SGIP1: variants seen among roughly 807,000 people sequenced by gnomAD.
The protein encoded by SGIP1 is SH3GL interacting endocytic adaptor 1, also known as SH3-containing GRB2-like protein 3-interacting protein 1.
Under a neutral mutation model 107.5 loss-of-function variants are expected in SGIP1, and 38 were observed. That is an observed-to-expected ratio of 0.35 (90% CI 0.27 to 0.46). SGIP1 has a LOEUF of 0.46. Ranked by LOEUF, SGIP1 falls within the 20% of genes least tolerant of loss-of-function variation. The pLI is 1.00. For missense variants in SGIP1, 929 were observed against 1,019.5 expected (o/e 0.91, Z 1.21); for synonymous variants, 365 against 366.1 (o/e 1.00, Z 0.03).
rs767924090 is a variant in SGIP1, at chr1:66,682,123, C to T, written c.1069C>T (p.Pro357Ser). Residue 357 changes from proline (P) to serine (S), a missense_variant, in exon 15 of 25, where the codon CCC becomes TCC. Transcript: ENST00000371037. The stretch of plus-strand genomic sequence containing the variant: ...TCCAGGCCCTCTCGGCCCCCCAGGT[C>T]CCACAGGCCCCCCAGGGCCTCCTGG... Reference protein sequence around the residue: ...PAPGPLGPPGPTGPPGPPGPP... With the variant: ...PAPGPLGPPGSTGPPGPPGPP... The T allele has an allele frequency of 5.6e-6, 9 of 1,613,598 alleles. No homozygotes were observed. In the East Asian group the frequency reaches 1.8e-4, roughly 32 times the overall value.
chr1:66,736,270 T>G (rs986747118), intron 21 of SGIP1, among the ~76,000 whole-genome samples: 1 of 80,626 alleles, frequency 1.2e-5, no homozygotes. Flanking sequence ...ATATAAATAT[T>G]TATACAAATA....
In SGIP1 at chr1:66,719,304, G is replaced by T; in HGVS notation, c.1641G>T (p.Arg547Ser). Residue 547 changes from arginine to serine, a missense_variant, in exon 19 of 25, where the codon AGG becomes AGT. Physicochemically the swap from Arg to Ser is moderately radical, Grantham distance 110 (BLOSUM62 -1). Coordinates refer to ENST00000371037, the MANE Select transcript of SGIP1 (RefSeq NM_032291.4). ...TTTCATTTCATGCAGGTTCTTCCAG[G>T]GGACCCAGCCCCCTAACCATGGGAG... The part of the protein sequence containing the change: ...KFYLTFEGSS[R>S]GPSPLTMGAQ... 1 of 1,609,764 alleles carries T rather than the reference G, an allele frequency of 6.2e-7. No individual in the cohort carries two copies. The highest frequency in any genetic ancestry group is 8.5e-7 in the Non-Finnish European group (1 of 1,178,346).
chr1:66,672,647 T>C (rs1055598028), intron 11 of SGIP1, among the ~76,000 whole-genome samples: 3 of 152,220 alleles, frequency 2.0e-5, no homozygotes, highest in African/African-American at 7.2e-5. Flanking sequence ...AAGATAATTA[T>C]GCATCATTTT....
At chr1:66,563,222 G>C (rs2059199745) in intron 1 of SGIP1, among the ~76,000 whole-genome samples, 1 of 152,008 alleles carries the variant, frequency 6.6e-6, no homozygotes, top group African/African-American at 2.4e-5. Flanking sequence ...TAATAGGGGA[G>C]GGTCAGTGTG....
intron 7 of SGIP1, among the ~76,000 whole-genome samples, chr1:66,657,655 G>T: frequency 6.6e-6 from 1 of 152,188 alleles, no homozygotes; most frequent in Admixed American, 6.5e-5. Flanking sequence ...TGTTGATTAT[G>T]GGATAAGCCA....
chr1:66,568,522 C>G (rs1392772787), intron 1 of SGIP1, among the ~76,000 whole-genome samples: 1 of 151,998 alleles, frequency 6.6e-6, no homozygotes, highest in Non-Finnish European at 1.5e-5. Flanking sequence ...CTTGAACTTC[C>G]AATACTATGT....
At chr1:66,636,105 T>C in intron 4 of SGIP1, 90 bp downstream of exon 4, 1 of 1,252,216 alleles carries the variant, frequency 8.0e-7, no homozygotes, top group Non-Finnish European at 1.1e-6. Context: ...AACACAGTAG[T>C]TTTCATTTAC....
At chr1:66,731,957 C>T (rs573076803) in intron 20 of SGIP1, among the ~76,000 whole-genome samples, 26 of 152,264 alleles carry the variant, frequency 1.7e-4, no homozygotes, top group African/African-American at 4.8e-4. Context: ...CTGAAGAATG[C>T]TCAAGGCTTC....
At chr1:66,566,230 C>T (rs1166867121) in intron 1 of SGIP1, among the ~76,000 whole-genome samples, 8 of 151,910 alleles carry the variant, frequency 5.3e-5, no homozygotes, top group Non-Finnish European at 1.0e-4. Flanking sequence ...AGTTTATTTG[C>T]TATTTGCATT....
At chr1:66,605,430 G>A (rs2066636334) in intron 1 of SGIP1, among the ~76,000 whole-genome samples, 1 of 152,154 alleles carries the variant, frequency 6.6e-6, no homozygotes, top group South Asian at 2.1e-4. Context: ...AGGCAGAAAA[G>A]AGAGATGTGA....
At chr1:66,612,248 A>G (rs1022628153) in intron 1 of SGIP1, among the ~76,000 whole-genome samples, 3 of 152,148 alleles carry the variant, frequency 2.0e-5, no homozygotes, top group African/African-American at 4.8e-5. Flanking sequence ...AAACTCATCC[A>G]CCGCTTTGAG....
intron 1 of SGIP1, among the ~76,000 whole-genome samples, chr1:66,572,156 A>T (rs1268501444): frequency 6.6e-6 from 1 of 151,976 alleles, no homozygotes; most frequent in Non-Finnish European, 1.5e-5. Flanking sequence ...TGTCCTCCTC[A>T]TGACCTAAAG....
intron 1 of SGIP1, among the ~76,000 whole-genome samples, chr1:66,586,000 C>T (rs1016417398): frequency 2.0e-5 from 3 of 152,008 alleles, no homozygotes; most frequent in African/African-American, 7.2e-5. Flanking sequence ...TTCTTCTTTC[C>T]GTTCTATCAA....
chr1:66,675,764 A>G (rs939246412), intron 12 of SGIP1, among the ~76,000 whole-genome samples: 2 of 150,766 alleles, frequency 1.3e-5, no homozygotes, highest in Non-Finnish European at 3.0e-5. Flanking sequence ...GAACTCCTGG[A>G]CTCATGTAAT....
chr1:66,635,841 T>C, intron 3 of SGIP1, 103 bp from the exon 4 acceptor site: 1 of 1,232,602 alleles, frequency 8.1e-7, no homozygotes, highest in South Asian at 1.3e-5. Flanking sequence ...AGATGGTTTC[T>C]TCTATGGTAT....
intron 1 of SGIP1, among the ~76,000 whole-genome samples, chr1:66,546,841 A>G (rs1469295582): frequency 2.0e-5 from 3 of 152,180 alleles, no homozygotes; most frequent in Non-Finnish European, 4.4e-5. Flanking sequence ...TAAGACCAAG[A>G]ATTTGCTAGG....
At chr1:66,604,103 G>A (rs1250053357) in intron 1 of SGIP1, among the ~76,000 whole-genome samples, 1 of 152,164 alleles carries the variant, frequency 6.6e-6, no homozygotes, top group African/African-American at 2.4e-5. Context: ...GTAACCTGGT[G>A]AAATAGGTAG....
At chr1:66,670,826 T>C (rs1378050845) in intron 9 of SGIP1, among the ~76,000 whole-genome samples, 169 bp from the exon 10 acceptor site, 1 of 152,220 alleles carries the variant, frequency 6.6e-6, no homozygotes, top group African/African-American at 2.4e-5. Flanking sequence ...AAAAAACTGA[T>C]TTCTGTGTGT....
At chr1:66,731,206 A>T (rs2093994031) in intron 20 of SGIP1, among the ~76,000 whole-genome samples, 1 of 152,140 alleles carries the variant, frequency 6.6e-6, no homozygotes, top group Non-Finnish European at 1.5e-5. Flanking sequence ...GAATGGAAAA[A>T]GTCTCTTAAT....
Sources: allele counts gnomAD v4.1 joint callset (sites outside exome capture counted in the v4.1 genomes callset), GRCh38; gene constraint gnomAD v4.1.1; transcripts MANE v1.5; gene names NCBI Gene and HGNC (gene_info 2026-07-23, HGNC 2026-07-21).